Variants in RBM24 observed in about 807,000 individuals in gnomAD.
RBM24 encodes the protein RNA-binding protein 24.
RBM24 carries 5 observed loss-of-function variants against 23.6 expected under a neutral mutation model. The ratio of observed to expected loss-of-function variants is 0.21; its 90% CI spans 0.11 to 0.45. The LOEUF is 0.45. Among genes scored for constraint, RBM24 ranks in the 20% least tolerant of loss-of-function variants. The pLI is 0.99. For synonymous variants in RBM24, 151 were observed against 129.5 expected, an observed-to-expected ratio of 1.17 and a Z score of -1.13; for missense variants, 252 against 314.6, an observed-to-expected ratio of 0.80 and a Z score of 1.51.
At chr6:17,289,982 G>C in intron 3 of RBM24, 2 of 1,289,344 alleles carry the variant, frequency 1.6e-6, no homozygotes, top group Non-Finnish European at 2.0e-6. Context: ...CCTGGTTTCT[G>C]ACAAGCAGTT....
At chr6:17,282,365 G>A (rs1467933881) in intron 1 of RBM24, 2 of 796,678 alleles carry the variant, frequency 2.5e-6, no homozygotes, top group Admixed American at 2.3e-5. Flanking sequence ...TTGTCGTTGG[G>A]GAGTGTTTTC....
chr6:17,289,133 C>T (rs888620225), intron 3 of RBM24: 3 of 985,196 alleles, frequency 3.0e-6, no homozygotes, highest in South Asian at 4.7e-5. Flanking sequence ...TAGGCATGCA[C>T]GTTTTATGGT....
chr6:17,282,998 AT>A, intron 2 of RBM24, 70 bp downstream of exon 2: 1 of 1,083,236 alleles, frequency 9.2e-7, no homozygotes, highest in Non-Finnish European at 1.4e-6. Context: ...TGATTCTCTA[AT>A]TTAGAAGACA....
At chr6:17,284,127 GTGTT>G (rs1760119709) in intron 2 of RBM24, among the ~76,000 whole-genome samples, 3 of 152,096 alleles carry the variant, frequency 2.0e-5, no homozygotes, top group Admixed American at 2.0e-4. Flanking sequence ...AAGAAAATGA[GTGTT>G]TGTGCAAATA....
intron 3 of RBM24, chr6:17,288,109 T>C: frequency 3.7e-6 from 1 of 268,316 alleles, no homozygotes; most frequent in Non-Finnish European, 5.7e-6. Context: ...ACAGAGAGGT[T>C]AATTAACTTC....
chr6:17,292,992 G>A lies in RBM24; in HGVS notation c.*873G>A, dbSNP rs1055212878. 9 of 152,058 alleles carry A rather than the reference G, an allele frequency of 5.9e-5. No individual in the cohort carries two copies. The highest frequency in any genetic ancestry group is 3.3e-4 in the Admixed American group (5 of 15,264). 9.4% of individuals were successfully genotyped at this position (152,058 alleles called of 1,614,324 possible). On this transcript the variant is annotated 3_prime_UTR_variant, in exon 4 of 4. Coordinates refer to ENST00000379052, the MANE Select transcript of RBM24 (RefSeq NM_001143942.2). ...GCCTTCTCTTTCTATTTATTGTGTC[G>A]ACTCGTGGCTTATGAATAAAGGCAG...
chr6:17,292,747 A>AG lies in RBM24; in HGVS notation c.*629dup, dbSNP rs1214863986. On this transcript the variant is annotated 3_prime_UTR_variant, in exon 4 of 4. Transcript: ENST00000379052. ...TATTTTCTCATCTGTCCTGTGGATG[A>AG]GTGGAACTGTGGAACAAGTGATGTG... The AG allele has an allele frequency of 6.5e-6, 1 of 152,682 alleles. No individual in the cohort carries two copies. Among genetic ancestry groups the AG allele is most frequent in the East Asian group, 1.9e-4 (1 of 5,196 alleles). 9.5% of individuals were successfully genotyped at this position (152,682 alleles called of 1,614,324 possible).
At position 17,291,932 on chromosome 6, in the gene RBM24, A is replaced by T; in HGVS notation, c.524A>T (p.Gln175Leu). Residue 175 changes from glutamine (Q) to leucine (L), a missense_variant, in exon 4 of 4, where the codon CAG becomes CTG. Coordinates refer to ENST00000379052, the MANE Select transcript of RBM24 (RefSeq NM_001143942.2). ...GCCGCCGCCGCTGCTGCCTATGACC[A>T]GTACCCCTATGCAGCCTCTCCAGCT... ...AAAAAAAAYD[Q>L]YPYAASPAAA... The T allele has an allele frequency of 6.2e-7, 1 of 1,613,134 alleles. No homozygotes were observed. The highest frequency in any genetic ancestry group is 8.5e-7 in the Non-Finnish European group (1 of 1,179,802).
In RBM24 at chr6:17,281,510, C is replaced by CGGAGGA. The variant is rs965659096; in HGVS notation, c.-66_-61dup. ...CGAAAGGGTGCGGGAGACGCGGAGC[C>CGGAGGA]GGAGGAGGAGGCGCAGCCGCTGCCC... is the stretch of plus-strand genomic sequence containing the variant. On this transcript the variant is annotated 5_prime_UTR_variant, in exon 1 of 4. Transcript: ENST00000379052. This position sits in a 1 kb window ranked among gnomAD's most constrained non-coding sequence, Gnocchi z 7.1. The CGGAGGA allele has an allele frequency of 2.2e-6, 3 of 1,370,088 alleles. No individual in the cohort carries two copies. The highest frequency in any genetic ancestry group is 6.4e-5 in the East Asian group (2 of 31,458). 84.9% of individuals were successfully genotyped at this position (1,370,088 alleles called of 1,614,324 possible).
At chr6:17,283,811 G>A (rs1760110455) in intron 2 of RBM24, among the ~76,000 whole-genome samples, 1 of 152,204 alleles carries the variant, frequency 6.6e-6, no homozygotes, top group Non-Finnish European at 1.5e-5. Flanking sequence ...TACAGACAAA[G>A]AAACTGATGC....
At chr6:17,284,340 G>A (rs1427632933) in intron 2 of RBM24, among the ~76,000 whole-genome samples, 6 of 152,148 alleles carry the variant, frequency 3.9e-5, no homozygotes, top group Non-Finnish European at 7.3e-5. Flanking sequence ...GAATATTTGA[G>A]ATGTAACTTC....
At chr6:17,289,775 C>T (rs1483500716) in intron 3 of RBM24, 12 of 1,061,922 alleles carry the variant, frequency 1.1e-5, no homozygotes, top group South Asian at 3.0e-5. Context: ...ATGACAGGAT[C>T]AAAAATAGCC....
chr6:17,288,258 A>G (rs1760254512), intron 3 of RBM24: 7 of 985,400 alleles, frequency 7.1e-6, no homozygotes, highest in Non-Finnish European at 8.4e-6. Flanking sequence ...CTCATAATCC[A>G]GTAAGAAAGC....
intron 2 of RBM24, among the ~76,000 whole-genome samples, chr6:17,283,478 C>T (rs574627926): frequency 6.6e-6 from 1 of 152,194 alleles, no homozygotes; most frequent in Admixed American, 6.5e-5. Context: ...AGTGCAATGA[C>T]GCGATCTAGG....
At chr6:17,282,330 G>C in intron 1 of RBM24, 1 of 1,051,394 alleles carries the variant, frequency 9.5e-7, no homozygotes, top group Non-Finnish European at 1.3e-6. Context: ...GAAGAGCAGG[G>C]AGCCCCAGAG....
At position 17,292,239 on chromosome 6, in the gene RBM24, A is replaced by G. The variant is rs1760392691; in HGVS notation, c.*120A>G. On this transcript the variant is annotated 3_prime_UTR_variant, in exon 4 of 4. Transcript: ENST00000379052. ...CTTTAAAAAAAAAAACAGCCATGCTATTGTGAAGCAGAGTTATTATTTTTT... is the reference window on the plus strand; with the variant it reads ...CTTTAAAAAAAAAAACAGCCATGCTGTTGTGAAGCAGAGTTATTATTTTTT... The G allele has an allele frequency of 1.1e-6, 1 of 950,496 alleles. No individual in the cohort carries two copies. The highest frequency in any genetic ancestry group is 1.5e-6 in the Non-Finnish European group (1 of 667,284). 58.9% of individuals were successfully genotyped at this position (950,496 alleles called of 1,614,324 possible). A position where few individuals can be genotyped will look rare whatever the true frequency, so the allele number is the denominator to read the frequency against.
At position 17,281,872 on chromosome 6, in the gene RBM24, C is replaced by G. The variant is rs1760026785; in HGVS notation, c.168+123C>G. On this transcript the variant is annotated intron_variant, in intron 1 of 3. Coordinates refer to ENST00000379052, the MANE Select transcript of RBM24 (RefSeq NM_001143942.2). The surrounding 1 kb of genome is among the most constrained non-coding windows in gnomAD (Gnocchi z 7.1). ...GAGCCCCGCGGGTAGAGCGGCGCTG[C>G]CCCTTCGCTCCGGGGTGAACTGAAA... is the stretch of plus-strand genomic sequence containing the variant. 1 of 1,377,976 alleles carries G rather than the reference C, an allele frequency of 7.3e-7. No homozygotes were observed. Among genetic ancestry groups the G allele is most frequent in the African/African-American group, 1.5e-5 (1 of 68,044 alleles). The allele number at this position is 1,377,976 out of a possible 1,614,324, so 85.4% of individuals were successfully genotyped here.
chr6:17,283,617 G>T (rs1476320246), intron 2 of RBM24, among the ~76,000 whole-genome samples: 1 of 152,110 alleles, frequency 6.6e-6, no homozygotes, highest in East Asian at 1.9e-4. Context: ...GGGTTTCACT[G>T]TGTTGGTCAG....
chr6:17,293,466 C>T lies in RBM24; in HGVS notation c.*1347C>T, dbSNP rs777220540. 5.2e-5 allele frequency: 8 copies of T among 152,394 alleles called. No individual in the cohort carries two copies. The highest frequency in any genetic ancestry group is 2.1e-4 in the South Asian group (1 of 4,816). 9.4% of individuals were successfully genotyped at this position (152,394 alleles called of 1,614,324 possible). A position where few individuals can be genotyped will look rare whatever the true frequency, so the allele number is the denominator to read the frequency against. The stretch of plus-strand genomic sequence containing the variant: ...TTTAGTTTTTAGATTTTTTTTTAAA[C>T]GATATATTGCTAGTTTCATGCTTCC... On this transcript the variant is annotated 3_prime_UTR_variant, in exon 4 of 4. Transcript: ENST00000379052.
Sources: gnomAD v4.1 joint callset for allele counts (sites outside exome capture counted in the v4.1 genomes callset) on GRCh38, gnomAD v4.1.1 for gene constraint, Gnocchi (gnomAD v3.1) non-coding constraint, MANE v1.5 for transcripts, NCBI Gene and HGNC (gene_info 2026-07-23, HGNC 2026-07-21) for gene names.